Variants in ACOT12 observed in about 807,000 individuals in gnomAD.
ACOT12 encodes acyl-CoA thioesterase 12.
In ACOT12, 51 loss-of-function variants were observed where a neutral mutation model predicts 67.7. The observed-to-expected ratio is 0.75, with a 90% CI of 0.60 to 0.95. ACOT12 has a LOEUF of 0.95. Ranked by LOEUF, ACOT12 falls within the 40% of genes least tolerant of loss-of-function variation. ACOT12 has a pLI of 0.00. For missense variants in ACOT12, 734 were observed against 708.1 expected (o/e 1.04, Z -0.41); for synonymous variants, 251 against 244.6 (o/e 1.03, Z -0.24).
intron 4 of ACOT12, among the ~76,000 whole-genome samples, chr5:81,363,575 G>A (rs528448339): frequency 3.0e-4 from 45 of 151,708 alleles, no homozygotes; most frequent in African/African-American, 9.2e-4. Flanking sequence ...TTTCTATATC[G>A]TCTTTTCTCT....
chr5:81,316,363 A>T, the ACOT12 span, among the ~76,000 whole-genome samples: 1 of 152,144 alleles, frequency 6.6e-6, no homozygotes. Context: ...GTCTCTATAC[A>T]GTTGCCTGTT....
At chr5:81,331,227 G>T (rs1011426760) in intron 13 of ACOT12, among the ~76,000 whole-genome samples, 1 of 152,172 alleles carries the variant, frequency 6.6e-6, no homozygotes, top group Admixed American at 6.5e-5. Context: ...TGTAATTTCA[G>T]CCTCCTTTCC....
intron 5 of ACOT12, among the ~76,000 whole-genome samples, chr5:81,349,702 A>T (rs1759496159): frequency 6.6e-6 from 1 of 152,186 alleles, no homozygotes; most frequent in Admixed American, 6.5e-5. Flanking sequence ...TGGTGCAGGG[A>T]CTATGGATTT....
At chr5:81,382,814 AAG>A (rs201635974) in intron 2 of ACOT12, among the ~76,000 whole-genome samples, 2,141 of 151,932 alleles carry the variant, frequency 0.014, 53 homozygotes, top group African/African-American at 0.049. Context: ...AAAAAAAAAA[AAG>A]AAGAAGAATA....
chr5:81,347,308 G>T (rs927310934), intron 6 of ACOT12, among the ~76,000 whole-genome samples: 1 of 152,096 alleles, frequency 6.6e-6, no homozygotes, highest in Non-Finnish European at 1.5e-5. Context: ...TCAGGGTCTT[G>T]CTATGTTTCC....
Position 81,345,942 on chromosome 5 carries a change from G to A in ACOT12, c.716C>T (p.Ser239Phe). ...GAAGACAAGACGATCTCCAACTGTA[G>A]ATGGTCCCCGGAACTTAAACATATC... Reference protein sequence around the residue: ...SVDMFKFRGPSTVGDRLVFTA... With the variant: ...SVDMFKFRGPFTVGDRLVFTA... The change falls in exon 7 of 15, where the codon TCT becomes TTT. Residue 239 changes from serine (S) to phenylalanine (F), a missense_variant. Physicochemically the swap from Ser to Phe is radical, Grantham distance 155. Transcript: ENST00000307624. The A allele has an allele frequency of 6.2e-7, 1 of 1,614,064 alleles. No individual in the cohort carries two copies. The highest frequency in any genetic ancestry group is 8.5e-7 in the Non-Finnish European group (1 of 1,179,968).
At chr5:81,325,080 A>G (rs78466529), downstream of ACOT12, among the ~76,000 whole-genome samples, 2,290 of 152,252 alleles carry the variant, frequency 0.015, 47 homozygotes, top group African/African-American at 0.052. Context: ...AACTGATGGA[A>G]GGGAGTCCTG....
the ACOT12 span, among the ~76,000 whole-genome samples, chr5:81,324,199 C>T: frequency 6.6e-6 from 1 of 152,058 alleles, no homozygotes; most frequent in South Asian, 2.1e-4. Context: ...CCTTGGCCTC[C>T]CAAAGTGCTG....
At chr5:81,344,648 T>A (rs1304327443) in intron 8 of ACOT12, among the ~76,000 whole-genome samples, 2 of 152,076 alleles carry the variant, frequency 1.3e-5, no homozygotes, top group Non-Finnish European at 2.9e-5. Flanking sequence ...GAAGGTGACA[T>A]CCTACCCACA....
At chr5:81,334,757 G>T (rs1319927671) in intron 12 of ACOT12, among the ~76,000 whole-genome samples, 2 of 152,206 alleles carry the variant, frequency 1.3e-5, no homozygotes, top group African/African-American at 4.8e-5. Flanking sequence ...GCCCTGCGGG[G>T]TGCTATAGCC....
intron 2 of ACOT12, among the ~76,000 whole-genome samples, chr5:81,378,551 C>T (rs1483549304): frequency 6.6e-6 from 1 of 152,122 alleles, no homozygotes; most frequent in African/African-American, 2.4e-5. Flanking sequence ...GAACAGGCAA[C>T]CTACAGAATG....
In ACOT12 at chr5:81,347,872, G is replaced by T; in HGVS notation, c.555C>A (p.Ser185Arg). The T allele has an allele frequency of 6.2e-7, 1 of 1,614,162 alleles. No homozygotes were observed. ...AVSTRGTSVQ[S>R]IELVLPPHAN... ...CATGGGGTGGGAGGACCAGTTCAAT[G>T]CTCTGAACGGAGGTGCCCCTTGTGG... Residue 185 changes from serine (S) to arginine (R), a missense_variant, in exon 6 of 15, where the codon AGC becomes AGA. Physicochemically the swap from Ser to Arg is moderately radical, Grantham distance 110. Coordinates refer to ENST00000307624, the MANE Select transcript of ACOT12 (RefSeq NM_130767.3).
intron 7 of ACOT12, 96 bp from the exon 8 acceptor site, chr5:81,345,137 C>T (rs1759340606): frequency 7.6e-7 from 1 of 1,316,186 alleles, no homozygotes; most frequent in South Asian, 1.3e-5. Flanking sequence ...CCGCTGCCAC[C>T]TCCTCTAAGC....
chr5:81,336,822 G>T (rs1759018190), intron 11 of ACOT12, among the ~76,000 whole-genome samples: 1 of 152,154 alleles, frequency 6.6e-6, no homozygotes. Context: ...GAAAAATCAG[G>T]CTGTAAAGGA....
chr5:81,327,159 TTA>T (rs139063836), downstream of ACOT12, among the ~76,000 whole-genome samples: 34,160 of 149,426 alleles, frequency 0.23, 4,148 homozygotes, highest in African/African-American at 0.29. Flanking sequence ...ATATATGTGA[TTA>T]TATATATGTG....
intron 13 of ACOT12, among the ~76,000 whole-genome samples, chr5:81,332,226 T>A (rs1758850652): frequency 6.6e-6 from 1 of 152,244 alleles, no homozygotes; most frequent in African/African-American, 2.4e-5. Flanking sequence ...GTTTACTGAA[T>A]ACCAGTTTTA....
intron 2 of ACOT12, among the ~76,000 whole-genome samples, chr5:81,372,349 C>T (rs1421507898): frequency 1.3e-5 from 2 of 152,168 alleles, no homozygotes; most frequent in Non-Finnish European, 2.9e-5. Flanking sequence ...TGTATTCAGG[C>T]CCTTCAGTCA....
intron 3 of ACOT12, among the ~76,000 whole-genome samples, chr5:81,368,678 G>A (rs868146027): frequency 6.6e-6 from 1 of 151,776 alleles, no homozygotes; most frequent in Non-Finnish European, 1.5e-5. Flanking sequence ...AAAATTTTAC[G>A]ATCTTAAATG....
At chr5:81,308,788 A>C in the ACOT12 span, 1 of 1,530,478 alleles carries the variant, frequency 6.5e-7, no homozygotes, top group Non-Finnish European at 8.8e-7. Flanking sequence ...TTTTTAACAC[A>C]ATTTGTTACG....
Sources: gnomAD v4.1 joint callset for allele counts (sites outside exome capture counted in the v4.1 genomes callset) on GRCh38, gnomAD v4.1.1 for gene constraint, MANE v1.5 for transcripts, NCBI Gene and HGNC (gene_info 2026-07-23, HGNC 2026-07-21) for gene names.